FBXL2: variants seen among roughly 807,000 people sequenced by gnomAD.
FBXL2 encodes F-box and leucine rich repeat protein 2, also known as F-box/LRR-repeat protein 2.
FBXL2 carries 38 observed loss-of-function variants against 69.2 expected under a neutral mutation model. That is an observed-to-expected ratio of 0.55 (90% CI 0.42 to 0.72). The LOEUF (loss-of-function observed/expected upper bound fraction) is 0.72, where lower values mean the gene tolerates loss of function less well. Among genes scored for constraint, FBXL2 ranks in the 30% least tolerant of loss-of-function variants. FBXL2 has a pLI of 0.00. For synonymous variants in FBXL2, 192 were observed against 201.3 expected (o/e 0.95, Z 0.39); for missense variants, 354 against 520.3 (o/e 0.68, Z 3.11).
the FBXL2 span, among the ~76,000 whole-genome samples, chr3:33,413,427 G>C: frequency 6.6e-6 from 1 of 151,286 alleles, no homozygotes; most frequent in East Asian, 2.0e-4. Flanking sequence ...GGCGCCTGTA[G>C]TACCAGCTAC....
chr3:33,373,624 C>G lies in FBXL2; in HGVS notation c.502C>G (p.Gln168Glu), dbSNP rs1176644092. Reference protein sequence around the residue: ...LEYLNLSWCDQITKDGIEALV... With the variant: ...LEYLNLSWCDEITKDGIEALV... Reference sequence around the variant, plus strand: ...GTACCTGAACCTCTCTTGGTGTGATCAGATCACGAAGGATGGCATCGAGGC... The same window carrying G: ...GTACCTGAACCTCTCTTGGTGTGATGAGATCACGAAGGATGGCATCGAGGC... Residue 168 changes from glutamine to glutamate, a missense_variant, in exon 8 of 15, where the codon CAG becomes GAG. By Grantham distance (29) the Gln-to-Glu change is conservative. Transcript: ENST00000484457. The G allele has an allele frequency of 1.9e-6, 3 of 1,614,016 alleles. No individual in the cohort carries two copies. Among genetic ancestry groups the G allele is most frequent in the Non-Finnish European group, 1.7e-6 (2 of 1,180,030 alleles).
At chr3:33,404,150 C>T (rs574675224), downstream of FBXL2, among the ~76,000 whole-genome samples, 5 of 152,260 alleles carry the variant, frequency 3.3e-5, no homozygotes, top group South Asian at 4.2e-4. Context: ...CGGTGGCTCA[C>T]GCCTGTAATC....
intron 12 of FBXL2, among the ~76,000 whole-genome samples, chr3:33,400,549 T>C (rs575322941): frequency 6.6e-6 from 1 of 152,306 alleles, no homozygotes; most frequent in East Asian, 1.9e-4. Flanking sequence ...GAACATTTCA[T>C]TGTCTTAAGT....
rs141985754 is a variant in FBXL2, at chr3:33,304,344, T to G, written c.65+6619T>G. ...TTCTTGCTTCTTAAAACTTTTTATC[T>G]TAAATATATTTTGACTAAACAATAT... On this transcript the variant is annotated intron_variant, in intron 2 of 14. Coordinates refer to ENST00000484457, the MANE Select transcript of FBXL2 (RefSeq NM_012157.5). Among the ~76,000 whole-genome samples, 828 of 152,270 alleles carry G rather than the reference T, an allele frequency of 5.4e-3. 5 individuals are homozygous for G. Among genetic ancestry groups the G allele is most frequent in the Non-Finnish European group, 9.5e-3 (646 of 67,964 alleles).
the FBXL2 span, chr3:33,414,138 T>C: frequency 6.6e-6 from 1 of 152,006 alleles, no homozygotes; most frequent in African/African-American, 2.4e-5. Context: ...ACAAGATATA[T>C]AAGAAAAATT....
intron 2 of FBXL2, among the ~76,000 whole-genome samples, chr3:33,339,470 AT>A (rs570210830): frequency 6.6e-6 from 1 of 152,316 alleles, no homozygotes; most frequent in East Asian, 1.9e-4. Context: ...CAAATACTGC[AT>A]TTTTTTAAAT....
the FBXL2 span, chr3:33,409,411 G>A: frequency 1.7e-5 from 27 of 1,613,768 alleles, no homozygotes; most frequent in Admixed American, 2.2e-4. Flanking sequence ...AGGCAAAACT[G>A]AGCCTTAATT....
In FBXL2 at chr3:33,297,734, A is replaced by G. The variant is rs768622564; in HGVS notation, c.65+9A>G. On this transcript the variant is annotated intron_variant, in intron 2 of 14. Transcript: ENST00000484457. ...AAAGAACTTCTGTTAAGGTAAATGT[A>G]GATAAATTCTGGATGAAGAGTTTAG... The G allele has an allele frequency of 2.7e-6, 4 of 1,503,542 alleles. No homozygotes were observed. The highest frequency in any genetic ancestry group is 4.5e-5 in the East Asian group (2 of 44,012). The allele number at this position is 1,503,542 out of a possible 1,614,324, so 93.1% of individuals were successfully genotyped here.
In FBXL2 at chr3:33,373,939, C is replaced by G; in HGVS notation, c.657+18C>G. 6.2e-7 allele frequency: 1 copy of G among 1,612,448 alleles called. No homozygotes were observed. The highest frequency in any genetic ancestry group is 1.1e-5 in the South Asian group (1 of 91,050). On this transcript the variant is annotated intron_variant, in intron 9 of 14. Transcript: ENST00000484457. ...CCTGCTCAGTAAGTAGCGTGCCTTT[C>G]CTGAACACTGTTTGCTCTATCTTGT...
At chr3:33,404,777 A>C (rs569991913), downstream of FBXL2, among the ~76,000 whole-genome samples, 1 of 152,236 alleles carries the variant, frequency 6.6e-6, no homozygotes, top group Non-Finnish European at 1.5e-5. Flanking sequence ...ATATTGAAAT[A>C]ATCTAGTAGA....
At chr3:33,318,368 T>C (rs1341998043) in intron 2 of FBXL2, among the ~76,000 whole-genome samples, 1 of 152,224 alleles carries the variant, frequency 6.6e-6, no homozygotes, top group East Asian at 1.9e-4. Context: ...TCTTCCCTTT[T>C]ATTTCTGCTT....
intron 2 of FBXL2, among the ~76,000 whole-genome samples, chr3:33,350,761 T>C (rs2040773249): frequency 6.6e-6 from 1 of 151,950 alleles, no homozygotes; most frequent in Non-Finnish European, 1.5e-5. Flanking sequence ...GATGAGAAAC[T>C]AGATGCTTTC....
At chr3:33,346,741 C>A (rs2040467323) in intron 2 of FBXL2, among the ~76,000 whole-genome samples, 1 of 151,776 alleles carries the variant, frequency 6.6e-6, no homozygotes, top group Non-Finnish European at 1.5e-5. Context: ...GTACCAAGAT[C>A]AAAAATGAAA....
rs571149893 is a variant in FBXL2 at position 33,394,273 on chromosome 3, T to C, written n.1214+8545T>C. Among the ~76,000 whole-genome samples the C allele has an allele frequency of 1.7e-4, 26 of 151,622 alleles. 2 individuals carry two copies. In the South Asian group the frequency reaches 5.4e-3, roughly 32 times the overall value. On this transcript the variant is annotated intron_variant and non_coding_transcript_variant, in intron 12 of 12. Transcript: ENST00000463736. ...TGTTGCCCAAGCTGTCTCAAACTCC[T>C]GGGCTCACGCAGTCTGCCCAGTTAG...
At chr3:33,292,221 A>G (rs2035298048) in intron 1 of FBXL2, among the ~76,000 whole-genome samples, 1 of 152,114 alleles carries the variant, frequency 6.6e-6, no homozygotes, top group African/African-American at 2.4e-5. Context: ...CTCTACTAAA[A>G]ATACAAAAAT....
intron 2 of FBXL2, among the ~76,000 whole-genome samples, chr3:33,346,578 A>C (rs1203047527): frequency 6.6e-6 from 1 of 151,848 alleles, no homozygotes; most frequent in South Asian, 2.1e-4. Flanking sequence ...ATAAATAAGT[A>C]AATAAATAAG....
intron 9 of FBXL2, among the ~76,000 whole-genome samples, chr3:33,374,708 A>T (rs2154049211): frequency 6.6e-6 from 1 of 152,328 alleles, no homozygotes. Flanking sequence ...GTTTATTTCT[A>T]TATGAAGTAG....
At chr3:33,343,409 C>T (rs1415464866) in intron 2 of FBXL2, among the ~76,000 whole-genome samples, 1 of 151,766 alleles carries the variant, frequency 6.6e-6, no homozygotes, top group Non-Finnish European at 1.5e-5. Context: ...GAAGTTTCTC[C>T]AAATTTAGAT....
chr3:33,395,548 G>A (rs1049268020), intron 12 of FBXL2, among the ~76,000 whole-genome samples: 9 of 151,860 alleles, frequency 5.9e-5, no homozygotes, highest in African/African-American at 1.2e-4. Flanking sequence ...TGCTCAGGAT[G>A]AGAAGCCCTC....
Sources: gnomAD v4.1 joint callset for allele counts (sites outside exome capture counted in the v4.1 genomes callset) on GRCh38, gnomAD v4.1.1 for gene constraint, MANE v1.5 for transcripts, NCBI Gene and HGNC (gene_info 2026-07-23, HGNC 2026-07-21) for gene names.